The following WDFY3 variants were observed in gnomAD, a reference collection of about 807,000 sequenced individuals.
WDFY3 encodes the protein WD repeat and FYVE domain-containing protein 3.
Under a neutral mutation model 409.6 loss-of-function variants are expected in WDFY3, and 66 were observed. The ratio of observed to expected loss-of-function variants is 0.16; its 90% CI spans 0.13 to 0.20. The LOEUF (loss-of-function observed/expected upper bound fraction) is 0.20. WDFY3 is among the 10% of genes least tolerant of loss of function. The probability of loss-of-function intolerance (pLI) is 1.00; values close to 1 mark genes in which losing one functional copy is unlikely to be tolerated. For synonymous variants in WDFY3, 1,521 were observed against 1,537.1 expected (o/e 0.99, Z 0.25); for missense variants, 3,031 against 4,298.1 (o/e 0.71, Z 8.24).
At chr4:84,943,364 C>T (rs566946885) in intron 1 of WDFY3, among the ~76,000 whole-genome samples, 36 of 151,946 alleles carry the variant, frequency 2.4e-4, no homozygotes, top group Admixed American at 1.1e-3. Context: ...ACTAGCTGGG[C>T]GTGGTGGTGG....
chr4:84,915,562 T>C (rs1015060982), intron 2 of WDFY3, among the ~76,000 whole-genome samples: 1 of 152,124 alleles, frequency 6.6e-6, no homozygotes, highest in East Asian at 1.9e-4. Context: ...TAGCAAGAAC[T>C]TGGTATTCAA....
chr4:84,699,104 T>C (rs1289423996), intron 56 of WDFY3, among the ~76,000 whole-genome samples: 2 of 151,880 alleles, frequency 1.3e-5, no homozygotes, highest in South Asian at 2.1e-4. Flanking sequence ...AAGGGAACAA[T>C]GCAGTGGCAT....
chr4:84,849,547 C>G (rs572722105), intron 5 of WDFY3: 157 of 86,618 alleles, frequency 1.8e-3, no homozygotes, highest in Admixed American at 7.7e-3. Flanking sequence ...GAAAAGAAAA[C>G]AAGCAATAGA....
At chr4:84,836,252 C>T (rs1756553417) in intron 7 of WDFY3, among the ~76,000 whole-genome samples, 2 of 152,190 alleles carry the variant, frequency 1.3e-5, no homozygotes, top group South Asian at 4.1e-4. Context: ...TGGAATCACG[C>T]AGTATTTGTC....
At position 84,683,828 on chromosome 4, in the gene WDFY3, A is replaced by G. The variant is rs542714243; in HGVS notation, c.9726+115T>C. The G allele has an allele frequency of 3.9e-5, 44 of 1,117,442 alleles. 1 individual carries two copies. In the South Asian group the frequency reaches 7.0e-4, roughly 18 times the overall value. 69.2% of individuals were successfully genotyped at this position (1,117,442 alleles called of 1,614,324 possible). On this transcript the variant is annotated intron_variant, in intron 63 of 67. Transcript: ENST00000295888. ...GCCAAGGCCTGTCTGAGCTGGAGCGAGAGTTCACTAAACATTACAACTTGT... is the reference window on the plus strand; with the variant it reads ...GCCAAGGCCTGTCTGAGCTGGAGCGGGAGTTCACTAAACATTACAACTTGT...
chr4:84,765,533 CTAAT>C, intron 32 of WDFY3, among the ~76,000 whole-genome samples: 1 of 152,122 alleles, frequency 6.6e-6, no homozygotes, highest in South Asian at 2.1e-4. Flanking sequence ...TGATAATTTG[CTAAT>C]TATTTACTTA....
chr4:84,964,588 T>A (rs930422335), intron 1 of WDFY3, among the ~76,000 whole-genome samples: 1 of 152,274 alleles, frequency 6.6e-6, no homozygotes, highest in Non-Finnish European at 1.5e-5. Flanking sequence ...TATTGAAATA[T>A]ACTGTCATTT....
chr4:84,908,267 A>G lies in WDFY3; in HGVS notation c.-131-11257T>C, dbSNP rs938837709. ...TTTAGGTAGAATGATGGCCTGAAAT[A>G]TCTTAGCAACAAGAAGTAAAAAAGC... On this transcript the variant is annotated intron_variant, in intron 2 of 67. Transcript: ENST00000295888. Among the ~76,000 whole-genome samples, 9 of 152,304 alleles carry G rather than the reference A, an allele frequency of 5.9e-5. No homozygotes were observed. The South Asian group carries it at 1.9e-3, about 32-fold the overall frequency.
intron 1 of WDFY3, among the ~76,000 whole-genome samples, chr4:84,937,395 T>C (rs1330810463): frequency 1.3e-5 from 2 of 152,170 alleles, no homozygotes; most frequent in Admixed American, 1.3e-4. Flanking sequence ...CTTTAAAGTT[T>C]AGGTTGTTAG....
In WDFY3 at chr4:84,733,568, A is replaced by G; in HGVS notation, c.7035T>C (p.Cys2345=). The change falls in exon 44 of 68, where the codon TGT becomes TGC. Residue 2345 remains cysteine, a synonymous_variant. Coordinates refer to ENST00000295888, the MANE Select transcript of WDFY3 (RefSeq NM_014991.6). ...CCCTCAACAGCTCGCACTCGATCTG[A>G]CACCACTCTTCTGTCACGTACTTCA... is the stretch of plus-strand genomic sequence containing the variant. ...NALKYVTEEW[C]QIECELLRER... is the part of the protein sequence containing the mutation. 1 of 1,614,086 alleles carries G rather than the reference A, an allele frequency of 6.2e-7. No individual in the cohort carries two copies. Among genetic ancestry groups the G allele is most frequent in the Non-Finnish European group, 8.5e-7 (1 of 1,180,004 alleles).
intron 9 of WDFY3, among the ~76,000 whole-genome samples, chr4:84,827,378 T>C (rs899618574): frequency 3.3e-5 from 5 of 152,182 alleles, no homozygotes; most frequent in African/African-American, 7.2e-5. Flanking sequence ...TTTATTCTCA[T>C]ACTATATACA....
intron 34 of WDFY3, 42 bp downstream of exon 34, chr4:84,755,224 A>C: frequency 6.3e-7 from 1 of 1,595,658 alleles, no homozygotes. Flanking sequence ...TATCCTAGGC[A>C]GGAGGAATTC....
chr4:84,807,456 A>G (rs562317836), intron 15 of WDFY3, among the ~76,000 whole-genome samples: 26 of 152,214 alleles, frequency 1.7e-4, no homozygotes, highest in Non-Finnish European at 3.1e-4. Context: ...TTGATGTACT[A>G]ACTCCAACTA....
At chr4:84,810,873 G>A (rs1393293567) in intron 13 of WDFY3, among the ~76,000 whole-genome samples, 1 of 152,176 alleles carries the variant, frequency 6.6e-6, no homozygotes, top group Non-Finnish European at 1.5e-5. Flanking sequence ...AAAATGAACT[G>A]AAGCCTAAGG....
chr4:84,841,022 A>C, intron 6 of WDFY3, 132 bp downstream of exon 6: 1 of 776,098 alleles, frequency 1.3e-6, no homozygotes, highest in Non-Finnish European at 2.0e-6. Flanking sequence ...TAATGTTTTA[A>C]AAAAGTTAGA....
chr4:84,680,491 G>A (rs941496149), intron 64 of WDFY3, among the ~76,000 whole-genome samples: 19 of 152,026 alleles, frequency 1.2e-4, no homozygotes, highest in African/African-American at 4.6e-4. Flanking sequence ...GCCTTACTTT[G>A]GAATTTTGTT....
intron 45 of WDFY3, 141 bp downstream of exon 45, chr4:84,726,720 T>C (rs755843139): frequency 5.9e-6 from 4 of 678,030 alleles, no homozygotes; most frequent in Non-Finnish European, 7.1e-6. Context: ...ACGGTTCAAC[T>C]CTAAGGAACT....
At position 84,683,924 on chromosome 4, in the gene WDFY3, T is replaced by C. The variant is rs755243434; in HGVS notation, c.9726+19A>G. 1 of 1,564,836 alleles carries C rather than the reference T, an allele frequency of 6.4e-7. No individual in the cohort carries two copies. Among genetic ancestry groups the C allele is most frequent in the Non-Finnish European group, 8.7e-7 (1 of 1,146,092 alleles). On this transcript the variant is annotated intron_variant, in intron 63 of 67. Coordinates refer to ENST00000295888, the MANE Select transcript of WDFY3 (RefSeq NM_014991.6). ...AGGATGACAAATATCCTAATGAGTT[T>C]TTCTCTCAGTTCACTTACCCGAACC... is the stretch of plus-strand genomic sequence containing the variant.
intron 1 of WDFY3, among the ~76,000 whole-genome samples, chr4:84,947,363 T>C (rs1175050355): frequency 6.7e-6 from 1 of 149,416 alleles, no homozygotes; most frequent in East Asian, 2.1e-4. Context: ...ATACAAAAAA[T>C]TGGCCAGGTG....
Sources: allele counts gnomAD v4.1 joint callset (sites outside exome capture counted in the v4.1 genomes callset), GRCh38; gene constraint gnomAD v4.1.1; transcripts MANE v1.5; gene names NCBI Gene and HGNC (gene_info 2026-07-23, HGNC 2026-07-21).